The following GUCY1A1 variants were observed in gnomAD, a reference collection of about 807,000 sequenced individuals.
GUCY1A1 encodes guanylate cyclase 1 soluble subunit alpha 1, also known as guanylate cyclase soluble subunit alpha-1.
GUCY1A1 carries 48 observed loss-of-function variants against 64.5 expected under a neutral mutation model. The ratio of observed to expected loss-of-function variants is 0.74; its 90% CI spans 0.59 to 0.95. The LOEUF (loss-of-function observed/expected upper bound fraction) is 0.95. GUCY1A1 is among the 40% of genes least tolerant of loss of function. The pLI is 0.00. For synonymous variants in GUCY1A1, 308 were observed against 303.4 expected, an observed-to-expected ratio of 1.02 and a Z score of -0.16; for missense variants, 804 against 825.3, an observed-to-expected ratio of 0.97 and a Z score of 0.32.
chr4:155,682,394 C>T (rs939123848), intron 2 of GUCY1A1, among the ~76,000 whole-genome samples: 17 of 152,002 alleles, frequency 1.1e-4, no homozygotes, highest in Non-Finnish European at 2.2e-4. Flanking sequence ...TAAGAAAATT[C>T]GACTGGGCAC....
chr4:155,674,957 C>T (rs187772719), intron 2 of GUCY1A1, among the ~76,000 whole-genome samples: 6 of 151,606 alleles, frequency 4.0e-5, no homozygotes, highest in Non-Finnish European at 5.9e-5. Flanking sequence ...TTTGCCTGCA[C>T]GAACATCTCC....
Position 155,710,859 on chromosome 4 carries a change from GA to G in GUCY1A1, c.696del (p.Val233CysfsTer3). The G allele has an allele frequency of 6.2e-7, 1 of 1,614,116 alleles. No individual in the cohort carries two copies. Reference sequence around the variant, plus strand: ...TCACGTATTATATGAAACGGAAGTGGAAGTGTCGTTAATGCCTCCCTGCTTC... The same window carrying G: ...TCACGTATTATATGAAACGGAAGTGGAGTGTCGTTAATGCCTCCCTGCTTC... The part of the protein sequence containing the change: ...AAHVLYETEV[E>X]VSLMPPCFHN... On this transcript the variant is annotated frameshift_variant, in exon 6 of 10. Transcript: ENST00000506455. LOFTEE classifies it high-confidence loss of function.
chr4:155,681,722 G>T (rs1560916893), intron 2 of GUCY1A1, among the ~76,000 whole-genome samples: 1 of 152,052 alleles, frequency 6.6e-6, no homozygotes, highest in African/African-American at 2.4e-5. Flanking sequence ...AGGATTCCCT[G>T]GAGTTCTAAA....
intron 3 of GUCY1A1, among the ~76,000 whole-genome samples, chr4:155,702,962 A>C (rs1366964734): frequency 6.7e-6 from 1 of 150,332 alleles, no homozygotes; most frequent in Non-Finnish European, 1.5e-5. Context: ...ATGGTTCTAT[A>C]TATATAATAT....
intron 8 of GUCY1A1, 51 bp from the exon 9 acceptor site, chr4:155,721,987 A>G (rs750344938): frequency 4.1e-6 from 5 of 1,208,750 alleles, no homozygotes; most frequent in Admixed American, 1.7e-5. Context: ...ACTGACGAGT[A>G]GGAAGTGTTT....
intron 2 of GUCY1A1, among the ~76,000 whole-genome samples, chr4:155,682,544 T>C (rs1735934636): frequency 6.6e-6 from 1 of 151,998 alleles, no homozygotes; most frequent in Non-Finnish European, 1.5e-5. Flanking sequence ...TGGTGGTGTG[T>C]GCCTGTAATC....
chr4:155,725,609 T>C (rs1213777920), intron 9 of GUCY1A1, among the ~76,000 whole-genome samples: 4 of 152,108 alleles, frequency 2.6e-5, no homozygotes, highest in Non-Finnish European at 5.9e-5. Flanking sequence ...TATTGATTGT[T>C]TTTAACAGTA....
rs766618110 is a variant in GUCY1A1, at chr4:155,710,859, G to C, written c.694G>C (p.Glu232Gln). 1 of 1,613,998 alleles carries C rather than the reference G, an allele frequency of 6.2e-7. No homozygotes were observed. The highest frequency in any genetic ancestry group is 1.1e-5 in the South Asian group (1 of 91,080). The change falls in exon 6 of 10, where the codon GAA (glutamate) becomes CAA (glutamine). Residue 232 changes from glutamate (E) to glutamine (Q), a missense_variant. Coordinates refer to ENST00000506455, the MANE Select transcript of GUCY1A1 (RefSeq NM_001130682.3). The stretch of plus-strand genomic sequence containing the variant: ...TCACGTATTATATGAAACGGAAGTG[G>C]AAGTGTCGTTAATGCCTCCCTGCTT... ...AAHVLYETEV[E>Q]VSLMPPCFHN...
chr4:155,672,018 GT>G (rs5863172), intron 2 of GUCY1A1, among the ~76,000 whole-genome samples: 80,767 of 148,684 alleles, frequency 0.54, 22,104 homozygotes, highest in African/African-American at 0.61. Flanking sequence ...TCCCCCCTCC[GT>G]TTTTTTTTTG....
At chr4:155,722,420 G>C in intron 9 of GUCY1A1, 1 of 1,354,322 alleles carries the variant, frequency 7.4e-7, no homozygotes. Flanking sequence ...ATCCATGACA[G>C]ATATTACATA....
At chr4:155,698,989 T>A (rs1730757185) in intron 3 of GUCY1A1, among the ~76,000 whole-genome samples, 1 of 152,176 alleles carries the variant, frequency 6.6e-6, no homozygotes, top group Non-Finnish European at 1.5e-5. Context: ...TGTTTTCTTA[T>A]AACCCACTAA....
chr4:155,683,543 C>T (rs1178863721), intron 2 of GUCY1A1, among the ~76,000 whole-genome samples: 1 of 152,032 alleles, frequency 6.6e-6, no homozygotes, highest in African/African-American at 2.4e-5. Flanking sequence ...AAATAGCAAA[C>T]TTGATTAAGT....
chr4:155,688,618 T>C (rs2340991), intron 2 of GUCY1A1, among the ~76,000 whole-genome samples: 87,293 of 151,994 alleles, frequency 0.57, 26,468 homozygotes, highest in South Asian at 0.73. Context: ...TATATGCAAA[T>C]TTAAATCAAA....
chr4:155,696,927 G>A lies in GUCY1A1; in HGVS notation c.60G>A (p.Leu20=). The change falls in exon 3 of 10, where the codon CTG becomes CTA. Residue 20 remains leucine (L), a synonymous_variant. Coordinates refer to ENST00000506455, the MANE Select transcript of GUCY1A1 (RefSeq NM_001130682.3). ...CAGGAGAGTGTCCTTTCTCCTTACT[G>A]GCACCAGGTCAAGTTCCTAACGAGT... ...KITGECPFSL[L]APGQVPNESS... is the part of the protein sequence containing the mutation. 1 of 1,613,006 alleles carries A rather than the reference G, an allele frequency of 6.2e-7. No homozygotes were observed. Among genetic ancestry groups the A allele is most frequent in the Non-Finnish European group, 8.5e-7 (1 of 1,179,076 alleles).
Position 155,713,621 on chromosome 4 carries a change from A to G in GUCY1A1, c.1572+38A>G, listed in dbSNP as rs1732873970. On this transcript the variant is annotated intron_variant, in intron 7 of 9. Coordinates refer to ENST00000506455, the MANE Select transcript of GUCY1A1 (RefSeq NM_001130682.3). The stretch of plus-strand genomic sequence containing the variant: ...CAGGGAAATAATTGTTTTACCAGCA[A>G]ACTCACTGGGGAACAAGCACTGTGC... The G allele has an allele frequency of 2.5e-6, 4 of 1,593,810 alleles. No individual in the cohort carries two copies. In the African/African-American group the frequency reaches 5.4e-5, roughly 21 times the overall value.
chr4:155,718,567 G>T (rs1303043804), intron 8 of GUCY1A1, among the ~76,000 whole-genome samples: 1 of 152,164 alleles, frequency 6.6e-6, no homozygotes, highest in Non-Finnish European at 1.5e-5. Context: ...GAATAGCTGG[G>T]ATTGCAACGA....
Position 155,711,180 on chromosome 4 carries a change from A to T in GUCY1A1, c.1015A>T (p.Met339Leu). ...AATCAACCAGACGTTTAGCGGGATC[A>T]TGACTATGTTGAATATGCAGTTTGT... is the stretch of plus-strand genomic sequence containing the variant. ...PKINQTFSGI[M>L]TMLNMQFVVR... The change falls in exon 6 of 10, where the codon ATG becomes TTG. Residue 339 changes from methionine to leucine, a missense_variant. Met to Leu is a conservative substitution (Grantham distance 15). Coordinates refer to ENST00000506455, the MANE Select transcript of GUCY1A1 (RefSeq NM_001130682.3). The T allele has an allele frequency of 1.2e-6, 2 of 1,613,876 alleles. No homozygotes were observed. The highest frequency in any genetic ancestry group is 3.3e-5 in the Admixed American group (2 of 60,024).
Position 155,713,211 on chromosome 4 carries a change from C to G in GUCY1A1, c.1200C>G (p.Leu400=), listed in dbSNP as rs1023085624. Residue 400 remains leucine (L), a synonymous_variant, in exon 7 of 10, where the codon CTC becomes CTG. Transcript: ENST00000506455. Reference sequence around the variant, plus strand: ...ATTTTACAGGACGAGGGCTCTACCTCTCAGACATCCCAATTCACAATGCAC... The same window carrying G: ...ATTTTACAGGACGAGGGCTCTACCTGTCAGACATCCCAATTCACAATGCAC... ...LEDFTGRGLY[L]SDIPIHNALR... 2 of 1,614,084 alleles carry G rather than the reference C, an allele frequency of 1.2e-6. No homozygotes were observed. The highest frequency in any genetic ancestry group is 3.3e-5 in the Admixed American group (2 of 60,014).
chr4:155,672,364 G>A (rs895456685), intron 2 of GUCY1A1, among the ~76,000 whole-genome samples: 4 of 152,058 alleles, frequency 2.6e-5, no homozygotes, highest in African/African-American at 4.8e-5. Flanking sequence ...CGTCCTTTAC[G>A]TTAGACTCCT....
Sources: allele counts gnomAD v4.1 joint callset (sites outside exome capture counted in the v4.1 genomes callset), GRCh38; gene constraint gnomAD v4.1.1; transcripts MANE v1.5; gene names NCBI Gene and HGNC (gene_info 2026-07-23, HGNC 2026-07-21).